The following TENM1 variants were observed in gnomAD, a reference collection of about 807,000 sequenced individuals.
TENM1 encodes the protein teneurin transmembrane protein 1.
TENM1 carries 35 observed loss-of-function variants against 174.8 expected under a neutral mutation model. The observed-to-expected ratio is 0.20, with a 90% CI of 0.15 to 0.27. The LOEUF (loss-of-function observed/expected upper bound fraction) is 0.27, where lower values mean the gene tolerates loss of function less well. TENM1 is among the 10% of genes least tolerant of loss of function. TENM1 has a pLI of 1.00. For missense variants in TENM1, 1,633 were observed against 2,130.1 expected (o/e 0.77, Z 4.59); for synonymous variants, 781 against 798.7 (o/e 0.98, Z 0.37).
At chrX:125,080,251 CAT>C in the TENM1 span, among the ~76,000 whole-genome samples, 2 of 111,662 alleles carry the variant, frequency 1.8e-5, no homozygotes, top group African/African-American at 6.5e-5. Flanking sequence ...TAAAACCAGA[CAT>C]ATTTTCAAAG....
the TENM1 span, among the ~76,000 whole-genome samples, chrX:125,081,795 C>T: frequency 1.8e-5 from 2 of 111,184 alleles, no homozygotes; most frequent in Admixed American, 1.9e-4. Context: ...ATACACACTA[C>T]GGAATATTTA....
At chrX:124,421,093 T>C (rs2060647573) in intron 24 of TENM1, among the ~76,000 whole-genome samples, 1 of 112,111 alleles carries the variant, frequency 8.9e-6, no homozygotes, top group Non-Finnish European at 1.9e-5. Context: ...GAATCTATTG[T>C]ATTATAAGAA....
the TENM1 span, among the ~76,000 whole-genome samples, chrX:125,012,674 T>TA: frequency 7.2e-5 from 8 of 111,386 alleles, no homozygotes; most frequent in Non-Finnish European, 1.3e-4. Context: ...ATAATATTTG[T>TA]AAAAAAAACT....
exon 32 of TENM1, chrX:124,378,745 G>A (rs2060126677): frequency 8.9e-6 from 1 of 111,792 alleles, no homozygotes; most frequent in Non-Finnish European, 1.9e-5. Flanking sequence ...CCTTTCCCTT[G>A]CTTTCCTTTG....
At position 124,748,254 on chromosome X, in the gene TENM1, A is replaced by T. The variant is rs953957251; in HGVS notation, c.536-11057T>A. Among the ~76,000 whole-genome samples the T allele has an allele frequency of 3.6e-5, 4 of 111,226 alleles. No individual in the cohort carries two copies. The East Asian group carries it at 8.4e-4, about 23-fold the overall frequency. ...TCCATACTTACAGTACAGGACTTAG[A>T]TGTTTCCCATTCTGGGTAGTTTTGA... On this transcript the variant is annotated intron_variant, in intron 3 of 31. Transcript: ENST00000422452.
chrX:125,060,181 TCACACACACACACACA>T, the TENM1 span, among the ~76,000 whole-genome samples: 1 of 93,842 alleles, frequency 1.1e-5, no homozygotes, highest in Non-Finnish European at 2.1e-5. Context: ...TCTCTCTCTC[TCACACACACACACACA>T]CACACACACA....
intron 22 of TENM1, 149 bp from the exon 26 acceptor site, chrX:124,453,640 G>C (rs1489513746): frequency 9.3e-6 from 4 of 430,395 alleles, no homozygotes; most frequent in Non-Finnish European, 1.5e-5. Context: ...AGTAATGGGA[G>C]AGGTTTGTTG....
the TENM1 span, among the ~76,000 whole-genome samples, chrX:125,064,274 C>T: frequency 9.1e-6 from 1 of 109,350 alleles, no homozygotes; most frequent in Admixed American, 9.8e-5. Context: ...CTAACCTGCA[C>T]GTTGTGCACA....
chrX:124,869,062 C>CAA (rs146594515), intron 3 of TENM1, among the ~76,000 whole-genome samples: 14 of 52,777 alleles, frequency 2.7e-4, no homozygotes, highest in African/African-American at 4.9e-4. Context: ...CCGTCTCTAC[C>CAA]AAAAAAAAAA....
At chrX:125,005,951 G>A in the TENM1 span, among the ~76,000 whole-genome samples, 1 of 111,641 alleles carries the variant, frequency 9.0e-6, no homozygotes, top group South Asian at 3.8e-4. Context: ...GGCTTTTCAG[G>A]CAGGCACTAG....
At chrX:124,939,924 C>T (rs2058301125) in intron 1 of TENM1, among the ~76,000 whole-genome samples, 2 of 111,976 alleles carry the variant, frequency 1.8e-5, no homozygotes, top group South Asian at 7.4e-4. Flanking sequence ...TAAAATATAT[C>T]AATAGCCAAA....
the TENM1 span, among the ~76,000 whole-genome samples, chrX:125,023,779 T>C: frequency 9.0e-6 from 1 of 111,639 alleles, no homozygotes; most frequent in Non-Finnish European, 1.9e-5. Flanking sequence ...TTACTATCCA[T>C]TAAAATATTC....
chrX:124,828,086 A>C (rs2147319577), intron 3 of TENM1, among the ~76,000 whole-genome samples: 1 of 111,894 alleles, frequency 8.9e-6, no homozygotes, highest in African/African-American at 3.2e-5. Flanking sequence ...ATTTAAGAGT[A>C]ATCAGAAAGA....
intron 5 of TENM1, among the ~76,000 whole-genome samples, chrX:124,692,443 T>C (rs745837502): frequency 9.0e-6 from 1 of 110,942 alleles, no homozygotes; most frequent in African/African-American, 3.3e-5. Flanking sequence ...AAAGTTAAAA[T>C]ATTATTAATA....
the TENM1 span, among the ~76,000 whole-genome samples, chrX:125,132,298 A>T: frequency 1.3e-3 from 144 of 112,027 alleles, 1 homozygote; most frequent in East Asian, 3.1e-3. Context: ...GGATACACTG[A>T]GTATGGCATC....
chrX:124,403,315 T>C (rs771584339), intron 27 of TENM1, among the ~76,000 whole-genome samples: 5 of 108,866 alleles, frequency 4.6e-5, no homozygotes, highest in Non-Finnish European at 9.5e-5. Context: ...GGTCAGGAGA[T>C]CAAGACCATC....
chrX:124,883,566 C>T (rs139619611), intron 3 of TENM1, among the ~76,000 whole-genome samples: 1 of 112,447 alleles, frequency 8.9e-6, no homozygotes, highest in Admixed American at 9.4e-5. Context: ...TGCTCAAGTG[C>T]TGGCAATTGC....
the TENM1 span, among the ~76,000 whole-genome samples, chrX:125,124,647 T>C: frequency 8.9e-6 from 1 of 112,423 alleles, no homozygotes. Flanking sequence ...CCATGATGCA[T>C]ATGTATATAT....
chrX:124,565,587 T>C, intron 11 of TENM1, 27 bp from the exon 15 acceptor site: 1 of 1,044,827 alleles, frequency 9.6e-7, no homozygotes, highest in Non-Finnish European at 1.3e-6. Context: ...GAAGACATAT[T>C]AACATATTTT....
Sources: gnomAD v4.1 joint callset for allele counts (sites outside exome capture counted in the v4.1 genomes callset) on GRCh38, gnomAD v4.1.1 for gene constraint, MANE v1.5 for transcripts, NCBI Gene and HGNC (gene_info 2026-07-23, HGNC 2026-07-21) for gene names.